KMT2C: variants seen among roughly 807,000 people sequenced by gnomAD.
The protein encoded by KMT2C is lysine methyltransferase 2C, also known as histone-lysine N-methyltransferase 2C.
KMT2C carries 88 observed loss-of-function variants against 507.9 expected under a neutral mutation model. The ratio of observed to expected loss-of-function variants is 0.17; its 90% CI spans 0.15 to 0.21. KMT2C has a LOEUF of 0.21. Among genes scored for constraint, KMT2C ranks in the 10% least tolerant of loss-of-function variants. KMT2C has a pLI of 1.00. For synonymous variants in KMT2C, 2,049 were observed against 2,080.8 expected, an observed-to-expected ratio of 0.98 and a Z score of 0.42; for missense variants, 4,954 against 5,957.8, an observed-to-expected ratio of 0.83 and a Z score of 5.55.
chr7:152,322,686 C>T (rs1473877087), intron 3 of KMT2C, among the ~76,000 whole-genome samples: 1 of 151,898 alleles, frequency 6.6e-6, no homozygotes, highest in Admixed American at 6.5e-5. Context: ...GCAACAAAAG[C>T]AGTAATAGAC....
chr7:152,333,203 G>C (rs2096900568), intron 2 of KMT2C, among the ~76,000 whole-genome samples: 1 of 152,056 alleles, frequency 6.6e-6, no homozygotes, highest in Non-Finnish European at 1.5e-5. Context: ...CTGGAGTGCA[G>C]TAGTATGATC....
At chr7:152,233,431 A>C (rs1158494885) in intron 16 of KMT2C, among the ~76,000 whole-genome samples, 1 of 152,202 alleles carries the variant, frequency 6.6e-6, no homozygotes, top group Non-Finnish European at 1.5e-5. Context: ...TGTCCCTTCC[A>C]AGCAGGGACA....
At chr7:152,360,634 G>C (rs940291039) in intron 1 of KMT2C, among the ~76,000 whole-genome samples, 14 of 151,918 alleles carry the variant, frequency 9.2e-5, no homozygotes, top group Non-Finnish European at 1.9e-4. Context: ...GGGAGTTCGA[G>C]ACCAGCCTGA....
chr7:152,410,415 A>G, intron 1 of KMT2C, among the ~76,000 whole-genome samples: 1 of 148,524 alleles, frequency 6.7e-6, no homozygotes, highest in East Asian at 2.0e-4. Flanking sequence ...CTGTCTCAAA[A>G]AAAAAAAAAA....
chr7:152,139,827 G>T (rs2090322115), intron 55 of KMT2C, 36 bp from the exon 56 acceptor site: 1 of 1,425,314 alleles, frequency 7.0e-7, no homozygotes, highest in South Asian at 1.2e-5. Flanking sequence ...CAATTTATGT[G>T]ACAACAAGTC....
Position 152,144,881 on chromosome 7 carries a change from C to A in KMT2C, c.14175G>T (p.Arg4725Ser), listed in dbSNP as rs1397325454. ...TGCTGGTGCTGTTTAAGGTGTGAGGCCTGCAGACAATGGCATATCAACAGG... is the reference window on the plus strand; with the variant it reads ...TGCTGGTGCTGTTTAAGGTGTGAGGACTGCAGACAATGGCATATCAACAGG... ...MSAHVKRFVLRPHTLNSTSTS... is the reference protein window; with the variant it reads ...MSAHVKRFVLSPHTLNSTSTS... Residue 4725 changes from arginine to serine, a missense_variant and splice_region_variant, in exon 55 of 59, where the codon AGG (arginine) becomes AGT (serine). This residue lies in a region of KMT2C where 133 missense variants were observed against 258.9 expected (regional missense o/e 0.51). Coordinates refer to ENST00000262189, the MANE Select transcript of KMT2C (RefSeq NM_170606.3). The surrounding 1 kb of genome is among the most constrained non-coding windows in gnomAD (Gnocchi z 4.4). 1 of 1,607,566 alleles carries A rather than the reference C, an allele frequency of 6.2e-7. No individual in the cohort carries two copies. Among genetic ancestry groups the A allele is most frequent in the Non-Finnish European group, 8.5e-7 (1 of 1,175,104 alleles).
At chr7:152,188,987 T>C (rs1387084863) in intron 31 of KMT2C, among the ~76,000 whole-genome samples, 4 of 152,194 alleles carry the variant, frequency 2.6e-5, no homozygotes. Context: ...AATCAGATGA[T>C]TATTCCTAAA....
chr7:152,138,731 G>A lies in KMT2C; in HGVS notation c.14643+65C>T, dbSNP rs2090169938. 9.2e-6 allele frequency: 9 copies of A among 975,092 alleles called. No individual in the cohort carries two copies. In the South Asian group the frequency reaches 1.4e-4, roughly 15 times the overall value. 60.4% of individuals were successfully genotyped at this position (975,092 alleles called of 1,614,324 possible). A position where few individuals can be genotyped will look rare whatever the true frequency, so the allele number is the denominator to read the frequency against. On this transcript the variant is annotated intron_variant, in intron 58 of 58. Transcript: ENST00000262189. This position sits in a 1 kb window ranked among gnomAD's most constrained non-coding sequence, Gnocchi z 4.2. Reference sequence around the variant, plus strand: ...GGAAACAAGTGAGTAAGTGACCTGTGTGAGGAGGGAACTATTCGCCCAGGA... The same window carrying A: ...GGAAACAAGTGAGTAAGTGACCTGTATGAGGAGGGAACTATTCGCCCAGGA...
intron 28 of KMT2C, chr7:152,195,661 G>A (rs145578892): frequency 1.2e-5 from 6 of 512,300 alleles, no homozygotes; most frequent in African/African-American, 8.3e-5. Context: ...GATACAGCAA[G>A]ACTTTAAGGC....
intron 24 of KMT2C, 116 bp downstream of exon 24, chr7:152,207,184 T>C (rs1475961261): frequency 9.4e-5 from 94 of 1,001,494 alleles, no homozygotes; most frequent in Non-Finnish European, 1.2e-4. Flanking sequence ...CACATATTTT[T>C]GTTTAGACAG....
At chr7:152,202,833 G>A (rs1301192275) in intron 26 of KMT2C, 101 bp downstream of exon 26, 2 of 997,744 alleles carry the variant, frequency 2.0e-6, no homozygotes, top group Non-Finnish European at 2.9e-6. Flanking sequence ...AACAAAACAA[G>A]TAAAACATTA....
At chr7:152,383,180 T>TA (rs1382937185) in intron 1 of KMT2C, among the ~76,000 whole-genome samples, 24 of 151,778 alleles carry the variant, frequency 1.6e-4, no homozygotes, top group Non-Finnish European at 3.1e-4. Flanking sequence ...AATATACCTC[T>TA]AAGTCTTGTA....
At chr7:152,427,458 G>C (rs1243928746) in intron 1 of KMT2C, among the ~76,000 whole-genome samples, 2 of 152,114 alleles carry the variant, frequency 1.3e-5, no homozygotes, top group Non-Finnish European at 2.9e-5. Context: ...TTTTTCTCTA[G>C]TTCAACAATG....
At position 152,136,870 on chromosome 7, in the gene KMT2C, G is replaced by A. The variant is rs558765564; in HGVS notation, c.14698C>T (p.His4900Tyr). Reference protein sequence around the residue: ...FEDDQHKIPCHCGAVNCRKWM... With the variant: ...FEDDQHKIPCYCGAVNCRKWM... ...TTCCGGCAGTTCACAGCTCCACAGT[G>A]ACACGGAATCTTGTGCTGGTCATCT... The change falls in exon 59 of 59, where the codon CAC becomes TAC. Residue 4900 changes from histidine to tyrosine, a missense_variant. By Grantham distance (83) the His-to-Tyr change is moderately conservative. Coordinates refer to ENST00000262189, the MANE Select transcript of KMT2C (RefSeq NM_170606.3). The A allele has an allele frequency of 6.2e-7, 1 of 1,613,600 alleles. No homozygotes were observed. Among genetic ancestry groups the A allele is most frequent in the Non-Finnish European group, 8.5e-7 (1 of 1,179,974 alleles).
At chr7:152,358,083 C>A (rs973455442) in intron 2 of KMT2C, among the ~76,000 whole-genome samples, 5 of 152,188 alleles carry the variant, frequency 3.3e-5, no homozygotes, top group Non-Finnish European at 7.3e-5. Flanking sequence ...GCAACCAACT[C>A]TAGCTACCTT....
chr7:152,297,368 T>C (rs765141705), intron 6 of KMT2C, among the ~76,000 whole-genome samples: 5 of 152,100 alleles, frequency 3.3e-5, no homozygotes, highest in African/African-American at 1.2e-4. Flanking sequence ...GACAGTTGCA[T>C]AGAAAAGAAC....
At chr7:152,400,386 C>T (rs1482031578) in intron 1 of KMT2C, among the ~76,000 whole-genome samples, 5 of 152,140 alleles carry the variant, frequency 3.3e-5, no homozygotes, top group Admixed American at 2.0e-4. Flanking sequence ...AAGTATTTTG[C>T]TTATTGTAAT....
At chr7:152,367,421 T>C in intron 1 of KMT2C, 1 of 699,464 alleles carries the variant, frequency 1.4e-6, no homozygotes, top group Non-Finnish European at 2.5e-6. Flanking sequence ...TCTCGCCTTA[T>C]TTCGCAGGCT....
chr7:152,390,806 A>G (rs2097487075), intron 1 of KMT2C, among the ~76,000 whole-genome samples: 1 of 152,154 alleles, frequency 6.6e-6, no homozygotes, highest in Non-Finnish European at 1.5e-5. Flanking sequence ...TGCCAGATGT[A>G]TAAGATAGAG....
Sources: allele counts gnomAD v4.1 joint callset (sites outside exome capture counted in the v4.1 genomes callset), GRCh38; gene constraint gnomAD v4.1.1; regional missense constraint gnomAD v4.1.1; non-coding constraint Gnocchi (gnomAD v3.1); transcripts MANE v1.5; gene names NCBI Gene and HGNC (gene_info 2026-07-23, HGNC 2026-07-21).